The following CEP170 variants were observed in gnomAD, a reference collection of about 807,000 sequenced individuals.
The protein encoded by CEP170 is centrosomal protein 170.
Under a neutral mutation model 151.9 loss-of-function variants are expected in CEP170, and 21 were observed. The ratio of observed to expected loss-of-function variants is 0.14; its 90% confidence interval spans 0.10 to 0.20. The LOEUF is 0.20. CEP170 is among the 10% of genes least tolerant of loss of function. The pLI is 1.00. For missense variants in CEP170, 964 were observed against 1,892.9 expected, an observed-to-expected ratio of 0.51 and a Z score of 9.11; for synonymous variants, 356 against 648.8, an observed-to-expected ratio of 0.55 and a Z score of 6.86.
intron 16 of CEP170, among the ~76,000 whole-genome samples, chr1:243,137,573 G>A (rs554185661): frequency 2.0e-5 from 3 of 152,046 alleles, no homozygotes; most frequent in East Asian, 3.9e-4. Context: ...TCAGGAGATC[G>A]AGACCATCCT....
chr1:243,230,208 G>C (rs1038976164), intron 1 of CEP170, among the ~76,000 whole-genome samples: 1 of 151,672 alleles, frequency 6.6e-6, no homozygotes, highest in African/African-American at 2.4e-5. Flanking sequence ...AAAAAAAATA[G>C]CTGGGCATGG....
At chr1:243,248,803 C>T (rs1470402600) in intron 1 of CEP170, among the ~76,000 whole-genome samples, 2 of 152,182 alleles carry the variant, frequency 1.3e-5, no homozygotes, top group Non-Finnish European at 2.9e-5. Context: ...ATGCTCATAG[C>T]ACTTAAAATC....
At position 243,235,680 on chromosome 1, in the gene CEP170, T is replaced by TA. The variant is rs754978054; in HGVS notation, c.-41-10360dup. Among the ~76,000 whole-genome samples, 189 of 135,922 alleles carry TA rather than the reference T, an allele frequency of 1.4e-3. 1 individual carries two copies. The highest frequency in any genetic ancestry group is 6.3e-3 in the East Asian group (30 of 4,738). 89.2% of individuals were successfully genotyped at this position (135,922 alleles called of 152,430 possible). ...CTTAAATCTGATATAGCATTAAAACTAAAAAAAAAAAAAAATTCTCATAAA... is the reference window on the plus strand; with the variant it reads ...CTTAAATCTGATATAGCATTAAAACTAAAAAAAAAAAAAAAATTCTCATAAA... On this transcript the variant is annotated intron_variant, in intron 1 of 19. Coordinates refer to ENST00000366542, the MANE Select transcript of CEP170 (RefSeq NM_014812.3).
In CEP170 at chr1:243,140,250, C is replaced by T. The variant is rs1438705162; in HGVS notation, c.4060-143G>A. On this transcript the variant is annotated intron_variant, in intron 15 of 19. Transcript: ENST00000366542. ...CACAACATCTTCAATAAACCAATTA[C>T]TCTTTCTTTTTATAAGCACTTCAAA... 1.7e-5 allele frequency: 21 copies of T among 1,233,584 alleles called. No homozygotes were observed. The East Asian group carries it at 4.7e-4, about 28-fold the overall frequency. 76.4% of individuals were successfully genotyped at this position (1,233,584 alleles called of 1,614,324 possible). A position where few individuals can be genotyped will look rare whatever the true frequency, so the allele number is the denominator to read the frequency against.
At chr1:243,161,079 C>T (rs2058026777) in intron 13 of CEP170, among the ~76,000 whole-genome samples, 1 of 148,870 alleles carries the variant, frequency 6.7e-6, no homozygotes, top group Admixed American at 6.7e-5. Flanking sequence ...TGCCAGCACT[C>T]TGGGAGGCTG....
At chr1:243,193,677 C>A (rs2060459604) in intron 7 of CEP170, among the ~76,000 whole-genome samples, 1 of 151,986 alleles carries the variant, frequency 6.6e-6, no homozygotes, top group South Asian at 2.1e-4. Flanking sequence ...AAATCAAGTA[C>A]CTAACCAGGT....
chr1:243,183,160 T>C, intron 10 of CEP170, among the ~76,000 whole-genome samples: 1 of 152,068 alleles, frequency 6.6e-6, no homozygotes, highest in Non-Finnish European at 1.5e-5. Context: ...GCTCAGTCTT[T>C]TCATTGTGAA....
chr1:243,154,183 A>C (rs1224556097), intron 14 of CEP170, among the ~76,000 whole-genome samples: 1 of 152,280 alleles, frequency 6.6e-6, no homozygotes. Flanking sequence ...CTAAATTCTA[A>C]ACAGAAAGAG....
chr1:243,197,175 G>T (rs1370765628), intron 7 of CEP170, among the ~76,000 whole-genome samples: 1 of 152,082 alleles, frequency 6.6e-6, no homozygotes, highest in Non-Finnish European at 1.5e-5. Flanking sequence ...CATGACTCAG[G>T]ACGGCGGGCA....
intron 17 of CEP170, among the ~76,000 whole-genome samples, chr1:243,131,840 G>A (rs2054456930): frequency 6.6e-6 from 1 of 152,162 alleles, no homozygotes; most frequent in South Asian, 2.1e-4. Context: ...AATAATTTAA[G>A]AATTAAGTTA....
intron 10 of CEP170, among the ~76,000 whole-genome samples, chr1:243,182,641 G>A (rs561928644): frequency 1.1e-4 from 16 of 152,166 alleles, no homozygotes; most frequent in Admixed American, 3.3e-4. Context: ...CTTCAATATC[G>A]AGTCCAATCT....
chr1:243,128,126 G>GT, intron 19 of CEP170, 123 bp downstream of exon 19: 1 of 718,264 alleles, frequency 1.4e-6, no homozygotes, highest in Non-Finnish European at 2.1e-6. Context: ...TTTGAACTCT[G>GT]TATTTTATGT....
At position 243,199,184 on chromosome 1, in the gene CEP170, A is replaced by G. The variant is rs1278795717; in HGVS notation, c.507T>C (p.Ala169=). The G allele has an allele frequency of 1.2e-6, 2 of 1,609,988 alleles. No homozygotes were observed. Among genetic ancestry groups the G allele is most frequent in the East Asian group, 2.2e-5 (1 of 44,868 alleles). ...KSEEKAMDIS[A]MPRGTPLYGQ... ...CATATAATGGAGTACCACGGGGCAT[A>G]GCAGAAATATCTGGAAAGAGGTGGG... Residue 169 remains alanine (A), a synonymous_variant, in exon 7 of 20, where the codon GCT becomes GCC. Transcript: ENST00000366542.
At chr1:243,174,128 T>C (rs2059064519) in intron 10 of CEP170, among the ~76,000 whole-genome samples, 1 of 152,156 alleles carries the variant, frequency 6.6e-6, no homozygotes, top group African/African-American at 2.4e-5. Context: ...AAGTTCTAAA[T>C]ACAAAGACAA....
chr1:243,245,984 A>G (rs908077933), intron 1 of CEP170, among the ~76,000 whole-genome samples: 2 of 151,900 alleles, frequency 1.3e-5, no homozygotes, highest in African/African-American at 4.8e-5. Context: ...TTTAAAAAAG[A>G]TACGTAATAT....
intron 10 of CEP170, among the ~76,000 whole-genome samples, chr1:243,173,352 GC>G (rs2058995082): frequency 6.6e-6 from 1 of 151,616 alleles, no homozygotes; most frequent in Non-Finnish European, 1.5e-5. Context: ...GAGCCAACAT[GC>G]CTGGCCGAAA....
chr1:243,238,967 C>G (rs1369662637), intron 1 of CEP170, among the ~76,000 whole-genome samples: 3 of 152,196 alleles, frequency 2.0e-5, no homozygotes, highest in Non-Finnish European at 2.9e-5. Flanking sequence ...AAAGTGTCTA[C>G]TTTTTCTTTA....
chr1:243,253,060 A>G (rs1238769715), intron 1 of CEP170: 2 of 152,248 alleles, frequency 1.3e-5, no homozygotes, highest in African/African-American at 4.8e-5. Flanking sequence ...TCATACTATT[A>G]TAAAATACTA....
At chr1:243,164,138 A>AC (rs2058276491) in intron 13 of CEP170, 146 bp downstream of exon 13, 2 of 1,047,738 alleles carry the variant, frequency 1.9e-6, no homozygotes, top group Admixed American at 7.7e-5. Flanking sequence ...TAGACCCCCC[A>AC]CCGCCGCTGC....
Sources: gnomAD v4.1 joint callset for allele counts (sites outside exome capture counted in the v4.1 genomes callset) on GRCh38, gnomAD v4.1.1 for gene constraint, MANE v1.5 for transcripts, NCBI Gene and HGNC (gene_info 2026-07-23, HGNC 2026-07-21) for gene names.